The following TRPM8 variants were observed in gnomAD, a reference collection of about 807,000 sequenced individuals.
The protein encoded by TRPM8 is transient receptor potential cation channel subfamily M member 8.
TRPM8 carries 110 observed loss-of-function variants against 133.7 expected under a neutral mutation model. The ratio of observed to expected loss-of-function variants is 0.82; its 90% CI spans 0.70 to 0.96. TRPM8 has a LOEUF of 0.96. Ranked by LOEUF, TRPM8 falls within the 40% of genes least tolerant of loss-of-function variation. The pLI is 0.00. For synonymous variants in TRPM8, 535 were observed against 532.3 expected (o/e 1.01, Z -0.07); for missense variants, 1,291 against 1,379.5 (o/e 0.94, Z 1.02).
chr2:233,993,075 C>A (rs1231202843), intron 21 of TRPM8, among the ~76,000 whole-genome samples: 1 of 152,176 alleles, frequency 6.6e-6, no homozygotes, highest in Non-Finnish European at 1.5e-5. Flanking sequence ...CCATATGGGT[C>A]AGCTGTACCT....
chr2:233,963,339 C>G lies in TRPM8; in HGVS notation c.1711C>G (p.Gln571Glu). The G allele has an allele frequency of 6.2e-7, 1 of 1,613,338 alleles. No homozygotes were observed. ...AGCTCTCTTCATCTGGGCCATTCTT[C>G]AGAATAAGAAGGAACTCTCCAAAGT... ...LQALFIWAILQNKKELSKVIW... is the reference protein window; with the variant it reads ...LQALFIWAILENKKELSKVIW... Residue 571 changes from glutamine to glutamate, a missense_variant, in exon 13 of 26, where the codon CAG becomes GAG. Physicochemically the swap from Gln to Glu is conservative, Grantham distance 29 (BLOSUM62 2). Coordinates refer to ENST00000324695, the MANE Select transcript of TRPM8 (RefSeq NM_024080.5).
rs28902215 is a variant in TRPM8, at chr2:233,989,247, G to A, written c.2939+3382G>A. ...TGGAGCTGAGAAAGATGGGAGCCTC[G>A]TCTGTCACTTTCAGGTGAAGGAGAT... On this transcript the variant is annotated intron_variant, in intron 21 of 25. Coordinates refer to ENST00000324695, the MANE Select transcript of TRPM8 (RefSeq NM_024080.5). This position sits in a 1 kb window ranked among gnomAD's most constrained non-coding sequence, Gnocchi z 4.2. Among the ~76,000 whole-genome samples the A allele has an allele frequency of 6.0e-3, 914 of 152,244 alleles. 11 individuals are homozygous for A. The highest frequency in any genetic ancestry group is 0.021 in the African/African-American group (865 of 41,556).
Position 234,018,934 on chromosome 2 carries a change from C to T in TRPM8, c.*1678C>T, listed in dbSNP as rs1693026635. On this transcript the variant is annotated 3_prime_UTR_variant, in exon 26 of 26. Transcript: ENST00000324695. ...GAATTGGAGAGATTATCTTACTGAA[C>T]ACCTGTAGTCCCAGCTTTCTCTGGA... is the stretch of plus-strand genomic sequence containing the variant. The T allele has an allele frequency of 1.3e-5, 2 of 151,952 alleles. No individual in the cohort carries two copies. The highest frequency in any genetic ancestry group is 1.9e-4 in the East Asian group (1 of 5,196). The allele number at this position is 151,952 out of a possible 1,614,324, so 9.4% of individuals were successfully genotyped here.
At chr2:233,931,039 A>C (rs184555847) in intron 3 of TRPM8, among the ~76,000 whole-genome samples, 10 of 152,338 alleles carry the variant, frequency 6.6e-5, no homozygotes, top group Admixed American at 6.5e-4. Context: ...CTTGGTAATG[A>C]AAGTTGTTTT....
chr2:233,964,858 T>C, intron 14 of TRPM8, 101 bp downstream of exon 14: 2 of 1,296,604 alleles, frequency 1.5e-6, no homozygotes, highest in Non-Finnish European at 2.1e-6. Flanking sequence ...GTCCGTGGCA[T>C]GTCCAAGCTC....
At chr2:233,953,841 C>T in intron 9 of TRPM8, 76 bp from the exon 10 acceptor site, 2 of 1,122,046 alleles carry the variant, frequency 1.8e-6, no homozygotes, top group Non-Finnish European at 2.6e-6. Context: ...AAAAAGATCT[C>T]TCACAAAAAG....
intron 3 of TRPM8, among the ~76,000 whole-genome samples, chr2:233,932,373 C>T (rs1691697672): frequency 6.6e-6 from 1 of 152,190 alleles, no homozygotes; most frequent in South Asian, 2.1e-4. Context: ...ATCAAAAGTC[C>T]TGGGCTGATG....
intron 7 of TRPM8, chr2:233,946,271 A>G (rs181732671): frequency 1.8e-4 from 73 of 402,250 alleles, no homozygotes; most frequent in African/African-American, 1.3e-3. Flanking sequence ...GCCATCTTCC[A>G]TTGTGGTTTG....
At chr2:233,944,983 G>A (rs1383010512) in intron 6 of TRPM8, among the ~76,000 whole-genome samples, 1 of 152,068 alleles carries the variant, frequency 6.6e-6, no homozygotes, top group East Asian at 1.9e-4. Context: ...TCTAGTTAGT[G>A]GCAGGTTCAT....
intron 24 of TRPM8, among the ~76,000 whole-genome samples, chr2:234,012,250 C>T (rs916239152): frequency 3.3e-4 from 50 of 151,414 alleles, no homozygotes; most frequent in African/African-American, 1.0e-3. Flanking sequence ...TGGGTTCAAG[C>T]GATTCTCCTG....
rs1273742605 is a variant in TRPM8 at position 233,955,265 on chromosome 2, C to T, written c.1362+15C>T. On this transcript the variant is annotated intron_variant, in intron 11 of 25. Transcript: ENST00000324695. ...GCCGATGGGAGGTAAGCACGAAGCT[C>T]TCCTGGGTTATTCCAGTGTTGGGTC... The T allele has an allele frequency of 3.1e-6, 5 of 1,599,170 alleles. No homozygotes were observed. The highest frequency in any genetic ancestry group is 3.4e-6 in the Non-Finnish European group (4 of 1,166,752).
intron 1 of TRPM8, among the ~76,000 whole-genome samples, chr2:233,919,678 T>C (rs1691370952): frequency 1.3e-5 from 2 of 151,918 alleles, no homozygotes; most frequent in Non-Finnish European, 1.5e-5. Context: ...TTATATGGAT[T>C]ATTATTTTAT....
chr2:233,941,545 C>G (rs907468483), intron 5 of TRPM8, among the ~76,000 whole-genome samples: 2 of 152,126 alleles, frequency 1.3e-5, no homozygotes, highest in African/African-American at 4.8e-5. Flanking sequence ...GGCTTTCTAA[C>G]GATTGGAGGA....
rs28902190 is a variant in TRPM8, at chr2:233,971,303, G to C, written c.2355+877G>C. Among the ~76,000 whole-genome samples, 694 of 152,294 alleles carry C rather than the reference G, an allele frequency of 4.6e-3. 5 individuals are homozygous for C. Among genetic ancestry groups the C allele is most frequent in the African/African-American group, 0.016 (657 of 41,554 alleles). ...TCACTGACTCGTGTAAGAATCCTAA[G>C]TTGGCTTAAAGTTTCATGCCAACTC... is the stretch of plus-strand genomic sequence containing the variant. On this transcript the variant is annotated intron_variant, in intron 17 of 25. Transcript: ENST00000324695.
intron 22 of TRPM8, among the ~76,000 whole-genome samples, chr2:233,997,834 CA>C (rs1343927652): frequency 6.6e-6 from 1 of 152,142 alleles, no homozygotes; most frequent in Non-Finnish European, 1.5e-5. Context: ...GGCTGCTCCC[CA>C]CCCAGCCACC....
intron 9 of TRPM8, among the ~76,000 whole-genome samples, chr2:233,952,472 TGTG>T (rs915856818): frequency 2.6e-5 from 4 of 151,158 alleles, no homozygotes; most frequent in African/African-American, 7.3e-5. Flanking sequence ...GGGCTGGGGT[TGTG>T]GTGGTGGTGG....
chr2:233,957,804 C>A (rs1471843103), intron 11 of TRPM8, among the ~76,000 whole-genome samples: 1 of 152,136 alleles, frequency 6.6e-6, no homozygotes, highest in African/African-American at 2.4e-5. Flanking sequence ...AGTATTTACA[C>A]CATAGGAATC....
chr2:233,975,655 C>T (rs1025293444), intron 17 of TRPM8, among the ~76,000 whole-genome samples: 3 of 152,144 alleles, frequency 2.0e-5, no homozygotes, highest in South Asian at 2.1e-4. Flanking sequence ...CCAAGGCGGG[C>T]GGATCACCTG....
At chr2:233,939,586 A>G (rs182475723) in intron 5 of TRPM8, among the ~76,000 whole-genome samples, 21 of 152,356 alleles carry the variant, frequency 1.4e-4, no homozygotes, top group African/African-American at 4.8e-4. Context: ...TGTGAGCACC[A>G]CAGAAGTGTC....
Sources: gnomAD v4.1 joint callset for allele counts (sites outside exome capture counted in the v4.1 genomes callset) on GRCh38, gnomAD v4.1.1 for gene constraint, Gnocchi (gnomAD v3.1) non-coding constraint, MANE v1.5 for transcripts, NCBI Gene and HGNC (gene_info 2026-07-23, HGNC 2026-07-21) for gene names.